UNC13C: variants seen among roughly 807,000 people sequenced by gnomAD.
The protein encoded by UNC13C is unc-13 homolog C.
UNC13C carries 174 observed loss-of-function variants against 245.4 expected under a neutral mutation model. The ratio of observed to expected loss-of-function variants is 0.71; its 90% CI spans 0.63 to 0.80. The LOEUF (loss-of-function observed/expected upper bound fraction) is 0.80. Among genes scored for constraint, UNC13C ranks in the 30% least tolerant of loss-of-function variants. The pLI, the probability that UNC13C is intolerant of heterozygous loss-of-function variation, is 0.00. For missense variants in UNC13C, 2,829 were observed against 2,602.9 expected (o/e 1.09, Z -1.89); for synonymous variants, 992 against 895.1 (o/e 1.11, Z -1.93).
chr15:54,350,091 A>G (rs887279337), intron 17 of UNC13C, among the ~76,000 whole-genome samples: 7 of 151,884 alleles, frequency 4.6e-5, no homozygotes, highest in Admixed American at 1.3e-4. Context: ...TCCTGGCTTC[A>G]CGCCAGTCTC....
chr15:54,305,821 T>G (rs945866682), intron 13 of UNC13C, among the ~76,000 whole-genome samples: 14 of 152,106 alleles, frequency 9.2e-5, no homozygotes, highest in African/African-American at 3.4e-4. Flanking sequence ...CTTAATTCTG[T>G]GGATTTTCCT....
the UNC13C span, among the ~76,000 whole-genome samples, chr15:53,852,371 C>G: frequency 1.3e-5 from 2 of 152,054 alleles, no homozygotes. Flanking sequence ...GATTCCAGGC[C>G]TTATGTGAGC....
chr15:53,945,582 T>C, the UNC13C span, among the ~76,000 whole-genome samples: 47 of 152,238 alleles, frequency 3.1e-4, no homozygotes, highest in South Asian at 9.5e-3. Flanking sequence ...CTGGACTATC[T>C]CTTCTGTTCA....
At chr15:54,462,738 C>A (rs1300887756) in intron 19 of UNC13C, among the ~76,000 whole-genome samples, 1 of 152,240 alleles carries the variant, frequency 6.6e-6, no homozygotes, top group African/African-American at 2.4e-5. Context: ...GCCCCCCAAC[C>A]CATGGGCTCC....
chr15:53,993,477 G>C (rs546034797), intron 1 of UNC13C, among the ~76,000 whole-genome samples: 13 of 152,178 alleles, frequency 8.5e-5, no homozygotes, highest in Non-Finnish European at 2.9e-5. Flanking sequence ...AGTCCTGAAG[G>C]GGGTATCTGT....
chr15:54,067,633 TG>T (rs1829342042), intron 2 of UNC13C, among the ~76,000 whole-genome samples: 2 of 152,220 alleles, frequency 1.3e-5, no homozygotes, highest in Non-Finnish European at 2.9e-5. Flanking sequence ...TATATATTTA[TG>T]AGTACCTATT....
intron 1 of UNC13C, among the ~76,000 whole-genome samples, chr15:53,990,456 A>T (rs1038812532): frequency 2.0e-5 from 3 of 151,964 alleles, no homozygotes; most frequent in South Asian, 2.1e-4. Context: ...GCTTCAATTG[A>T]CCTATTTGTA....
intron 10 of UNC13C, among the ~76,000 whole-genome samples, chr15:54,268,942 A>G (rs2036615759): frequency 6.6e-6 from 1 of 151,702 alleles, no homozygotes; most frequent in South Asian, 2.1e-4. Context: ...TATTTTTGAT[A>G]TTATGCCCTG....
the UNC13C span, among the ~76,000 whole-genome samples, chr15:53,900,915 A>AT: frequency 3.3e-5 from 5 of 151,984 alleles, no homozygotes; most frequent in South Asian, 4.2e-4. Context: ...ACGTACATTC[A>AT]TTTTTTTTCC....
intron 19 of UNC13C, among the ~76,000 whole-genome samples, chr15:54,450,626 A>C (rs12148309): frequency 0.15 from 22,394 of 152,266 alleles, 1,676 homozygotes; most frequent in Non-Finnish European, 0.17. Flanking sequence ...GGAAAAGCAC[A>C]GTATTAGGGT....
intron 2 of UNC13C, among the ~76,000 whole-genome samples, chr15:54,065,072 A>G (rs1395038365): frequency 2.6e-5 from 4 of 152,238 alleles, no homozygotes; most frequent in African/African-American, 9.6e-5. Flanking sequence ...CAAATTAGAT[A>G]TGCAAACCAG....
At chr15:54,281,979 G>C (rs2037008572) in intron 10 of UNC13C, among the ~76,000 whole-genome samples, 2 of 152,106 alleles carry the variant, frequency 1.3e-5, no homozygotes, top group South Asian at 2.1e-4. Flanking sequence ...TCATTCATGT[G>C]GGGTATGTCT....
intron 2 of UNC13C, among the ~76,000 whole-genome samples, chr15:54,084,243 T>G (rs1390159698): frequency 6.6e-6 from 1 of 152,202 alleles, no homozygotes; most frequent in African/African-American, 2.4e-5. Context: ...CCCTTTTTTC[T>G]TCAGTTCTGT....
chr15:54,140,851 T>C (rs910359579), intron 2 of UNC13C, among the ~76,000 whole-genome samples: 2 of 152,208 alleles, frequency 1.3e-5, no homozygotes, highest in Non-Finnish European at 1.5e-5. Flanking sequence ...CATAATTTTA[T>C]CTTTTTTAGA....
At chr15:53,964,265 G>A in the UNC13C span, among the ~76,000 whole-genome samples, 1 of 152,156 alleles carries the variant, frequency 6.6e-6, no homozygotes, top group Non-Finnish European at 1.5e-5. Flanking sequence ...GGGTTTGAAA[G>A]AGAATTAACA....
At chr15:53,890,091 TC>T in the UNC13C span, among the ~76,000 whole-genome samples, 1 of 152,112 alleles carries the variant, frequency 6.6e-6, no homozygotes, top group Admixed American at 6.6e-5. Context: ...GAGGATTCTC[TC>T]TTTTTCTAGT....
chr15:54,322,803 A>C (rs1409576945), intron 14 of UNC13C, among the ~76,000 whole-genome samples: 1 of 152,016 alleles, frequency 6.6e-6, no homozygotes, highest in African/African-American at 2.4e-5. Context: ...TCAGAATTAA[A>C]AATGAGTGGA....
chr15:54,301,483 C>T (rs1308663159), intron 13 of UNC13C, among the ~76,000 whole-genome samples: 1 of 152,056 alleles, frequency 6.6e-6, no homozygotes, highest in African/African-American at 2.4e-5. Flanking sequence ...GTTCCCCGCC[C>T]TGTGTCCATG....
intron 2 of UNC13C, among the ~76,000 whole-genome samples, chr15:54,080,004 CGG>C (rs371860317): frequency 0.48 from 60,497 of 125,282 alleles, 15,438 homozygotes; most frequent in Non-Finnish European, 0.61. Flanking sequence ...GTTTGTCGAG[CGG>C]TTTTTTTTTT....
Sources: allele counts gnomAD v4.1 joint callset (sites outside exome capture counted in the v4.1 genomes callset), GRCh38; gene constraint gnomAD v4.1.1; transcripts MANE v1.5; gene names NCBI Gene and HGNC (gene_info 2026-07-23, HGNC 2026-07-21).